CEP135: variants seen among roughly 807,000 people sequenced by gnomAD.
The protein encoded by CEP135 is centrosomal protein of 135 kDa.
In CEP135, 142 loss-of-function variants were observed where a neutral mutation model predicts 157.3. The observed-to-expected ratio is 0.90, with a 90% CI of 0.79 to 1.04. The LOEUF (loss-of-function observed/expected upper bound fraction) is 1.04. Among genes scored for constraint, CEP135 ranks in the 50% least tolerant of loss-of-function variants. CEP135 has a pLI of 0.00. For synonymous variants in CEP135, 396 were observed against 439.8 expected, an observed-to-expected ratio of 0.90 and a Z score of 1.25; for missense variants, 1,317 against 1,309.2, an observed-to-expected ratio of 1.01 and a Z score of -0.09.
intron 17 of CEP135, among the ~76,000 whole-genome samples, chr4:56,006,518 G>A (rs555733144): frequency 6.6e-6 from 1 of 152,320 alleles, no homozygotes; most frequent in South Asian, 2.1e-4. Context: ...ATGGGAGGCT[G>A]AGGCAGGAGG....
chr4:55,951,691 G>T (rs1728366811), intron 1 of CEP135, among the ~76,000 whole-genome samples: 1 of 152,022 alleles, frequency 6.6e-6, no homozygotes, highest in South Asian at 2.1e-4. Context: ...CCCACTCTTT[G>T]GTTTGCCTTC....
intron 6 of CEP135, among the ~76,000 whole-genome samples, chr4:55,963,526 A>T (rs1728749151): frequency 6.6e-6 from 1 of 152,328 alleles, no homozygotes; most frequent in Admixed American, 6.5e-5. Flanking sequence ...CAGGCGGATC[A>T]CCTGAGGTCA....
chr4:55,994,414 G>C (rs1355661220), intron 15 of CEP135, among the ~76,000 whole-genome samples: 2 of 152,140 alleles, frequency 1.3e-5, no homozygotes, highest in Non-Finnish European at 2.9e-5. Context: ...AGGCATGGTA[G>C]CATGTGCCTA....
chr4:55,992,033 A>G lies in CEP135; in HGVS notation c.1957A>G (p.Ser653Gly). ...NKLKVQAQKF[S>G]HVAGDSSHQK... ...ATTAAAAGTCCAAGCTCAAAAATTTAGCCATGTGGCTGGTGACTCATCTCA... is the reference window on the plus strand; with the variant it reads ...ATTAAAAGTCCAAGCTCAAAAATTTGGCCATGTGGCTGGTGACTCATCTCA... The change falls in exon 15 of 26, where the codon AGC becomes GGC. Residue 653 changes from serine (S) to glycine (G), a missense_variant. Physicochemically the swap from Ser to Gly is moderately conservative, Grantham distance 56. Coordinates refer to ENST00000257287, the MANE Select transcript of CEP135 (RefSeq NM_025009.5). 6.2e-7 allele frequency: 1 copy of G among 1,610,698 alleles called. No homozygotes were observed. Among genetic ancestry groups the G allele is most frequent in the Non-Finnish European group, 8.5e-7 (1 of 1,179,034 alleles).
chr4:55,963,176 C>A (rs776029778), intron 6 of CEP135, among the ~76,000 whole-genome samples: 1 of 152,176 alleles, frequency 6.6e-6, no homozygotes, highest in Non-Finnish European at 1.5e-5. Context: ...TTCTTCTGTT[C>A]TATCCTCTAC....
At chr4:55,950,141 A>C (rs533781891) in intron 1 of CEP135, among the ~76,000 whole-genome samples, 3 of 152,346 alleles carry the variant, frequency 2.0e-5, no homozygotes, top group Admixed American at 6.5e-5. Flanking sequence ...ATTCAAAAAA[A>C]GTTAACAAGA....
intron 14 of CEP135, among the ~76,000 whole-genome samples, chr4:55,986,123 C>A (rs945273796): frequency 6.6e-6 from 1 of 152,076 alleles, no homozygotes; most frequent in Non-Finnish European, 1.5e-5. Context: ...AGTACTTACT[C>A]CTTAGGGTTT....
intron 2 of CEP135, 123 bp from the exon 3 acceptor site, chr4:55,952,962 G>T: frequency 1.2e-6 from 1 of 803,844 alleles, no homozygotes; most frequent in Non-Finnish European, 1.8e-6. Flanking sequence ...TATGTGGTCT[G>T]TCGTTGACCA....
intron 6 of CEP135, chr4:55,960,230 A>G (rs1247318353): frequency 6.1e-6 from 1 of 163,006 alleles, no homozygotes; most frequent in African/African-American, 2.4e-5. Context: ...TGATTTTTCT[A>G]CTCTTATTAT....
In CEP135 at chr4:55,999,638, C is replaced by A; in HGVS notation, c.2273C>A (p.Ala758Asp). ...EKIANLQENLANKEKAVAQMK... is the reference protein window; with the variant it reads ...EKIANLQENLDNKEKAVAQMK... ...ATTGCAAATTTGCAAGAAAACCTAG[C>A]TAATAAAGTATGTGATCGTTTAATG... Residue 758 changes from alanine (A) to aspartate (D), a missense_variant, in exon 17 of 26, where the codon GCT becomes GAT. Transcript: ENST00000257287. 1 of 1,586,986 alleles carries A rather than the reference C, an allele frequency of 6.3e-7. No individual in the cohort carries two copies. The highest frequency in any genetic ancestry group is 8.5e-7 in the Non-Finnish European group (1 of 1,173,692).
At chr4:56,016,163 A>G (rs1470823977) in intron 21 of CEP135, among the ~76,000 whole-genome samples, 1 of 152,166 alleles carries the variant, frequency 6.6e-6, no homozygotes, top group African/African-American at 2.4e-5. Context: ...GTGAACACCA[A>G]GCACTGGCAG....
intron 10 of CEP135, among the ~76,000 whole-genome samples, chr4:55,971,823 A>G (rs1729035738): frequency 6.6e-6 from 1 of 152,186 alleles, no homozygotes; most frequent in African/African-American, 2.4e-5. Flanking sequence ...TTCTACAGGT[A>G]CCAGTTCTAA....
chr4:56,008,768 A>G lies in CEP135; in HGVS notation c.2336+386A>G, dbSNP rs1730453145. 2.0e-5 allele frequency among the ~76,000 whole-genome samples: 3 copies of G among 152,346 alleles called. No individual in the cohort carries two copies. In the South Asian group the frequency reaches 6.2e-4, roughly 32 times the overall value. ...TTTACATTTTATGTATAGTCTCTCT[A>G]GGCAGATTGTAAGCCACTTCAAGAA... is the stretch of plus-strand genomic sequence containing the variant. On this transcript the variant is annotated intron_variant, in intron 18 of 25. Coordinates refer to ENST00000257287, the MANE Select transcript of CEP135 (RefSeq NM_025009.5).
intron 17 of CEP135, among the ~76,000 whole-genome samples, chr4:56,004,911 G>T (rs1038125354): frequency 2.0e-5 from 3 of 148,106 alleles, no homozygotes; most frequent in Non-Finnish European, 3.0e-5. Context: ...TGATATGTAA[G>T]GACTTAATGC....
At chr4:55,987,030 T>C (rs1729611488) in intron 14 of CEP135, among the ~76,000 whole-genome samples, 1 of 152,238 alleles carries the variant, frequency 6.6e-6, no homozygotes, top group Non-Finnish European at 1.5e-5. Flanking sequence ...AGGTTTGTTC[T>C]GGGATGCAGT....
In CEP135 at chr4:56,020,976, G is replaced by A. The variant is rs114044550; in HGVS notation, c.3320+196G>A. ...TAATAGCTCTACAGTAACTAAAATA[G>A]CAAGTATTACATAGCGGATGCTATA... On this transcript the variant is annotated intron_variant, in intron 24 of 25. Transcript: ENST00000257287. Among the ~76,000 whole-genome samples the A allele has an allele frequency of 0.068, 10,383 of 152,126 alleles. 468 individuals carry two copies. Among genetic ancestry groups the A allele is most frequent in the Middle Eastern group, 0.082 (24 of 294 alleles).
intron 6 of CEP135, 87 bp downstream of exon 6, chr4:55,959,853 A>C (rs1361439867): frequency 9.5e-7 from 1 of 1,056,192 alleles, no homozygotes; most frequent in Non-Finnish European, 1.5e-6. Context: ...GAAATTGCTG[A>C]TACTGAGTTT....
Position 56,009,766 on chromosome 4 carries a change from C to T in CEP135, c.2368C>T (p.Arg790Cys), listed in dbSNP as rs138305619. The T allele has an allele frequency of 2.9e-5, 46 of 1,611,836 alleles. No homozygotes were observed. The African/African-American group carries it at 3.3e-4, about 12-fold the overall frequency. ...GAAAGAAACATTGGTTAATCGAGATCGTGAGATAAACAGCCTCCGGCGCCA... is the reference window on the plus strand; with the variant it reads ...GAAAGAAACATTGGTTAATCGAGATTGTGAGATAAACAGCCTCCGGCGCCA... ...QLKETLVNRD[R>C]EINSLRRQLD... The change falls in exon 19 of 26, where the codon CGT (arginine) becomes TGT (cysteine). Residue 790 changes from arginine (R) to cysteine (C), a missense_variant. Transcript: ENST00000257287.
At chr4:56,022,591 T>C (rs1731006687) in intron 24 of CEP135, among the ~76,000 whole-genome samples, 1 of 151,980 alleles carries the variant, frequency 6.6e-6, no homozygotes, top group African/African-American at 2.4e-5. Flanking sequence ...TAATTAGAAA[T>C]CTCAGGTACT....
Sources: allele counts gnomAD v4.1 joint callset (sites outside exome capture counted in the v4.1 genomes callset), GRCh38; gene constraint gnomAD v4.1.1; transcripts MANE v1.5; gene names NCBI Gene and HGNC (gene_info 2026-07-23, HGNC 2026-07-21).